GRIK1: variants seen among roughly 807,000 people sequenced by gnomAD.
GRIK1 encodes the protein glutamate receptor ionotropic, kainate 1.
In GRIK1, 69 loss-of-function variants were observed where a neutral mutation model predicts 105.7. The observed-to-expected ratio is 0.65, with a 90% CI of 0.54 to 0.80. GRIK1 has a LOEUF of 0.80. GRIK1 is among the 30% of genes least tolerant of loss of function. The pLI, the probability that GRIK1 is intolerant of heterozygous loss-of-function variation, is 0.00. For synonymous variants in GRIK1, 438 were observed against 431.3 expected (o/e 1.02, Z -0.19); for missense variants, 1,109 against 1,167.3 (o/e 0.95, Z 0.73).
rs573084579 is a variant in GRIK1, at chr21:29,681,502, G to T, written c.544+8226C>A. On this transcript the variant is annotated intron_variant, in intron 3 of 17. Coordinates refer to ENST00000327783, the MANE Select transcript of GRIK1 (RefSeq NM_001330994.2). ...TTAGCTGTTCTGTCTGACTAGAACCGCCTTCTCTCTCACAGAACGTGGTTC... is the reference window on the plus strand; with the variant it reads ...TTAGCTGTTCTGTCTGACTAGAACCTCCTTCTCTCTCACAGAACGTGGTTC... 4.5e-4 allele frequency among the ~76,000 whole-genome samples: 68 copies of T among 152,254 alleles called. 1 individual carries two copies. The highest frequency in any genetic ancestry group is 1.6e-3 in the African/African-American group (66 of 41,554).
chr21:29,657,741 G>A (rs887541854), intron 4 of GRIK1: 2 of 152,204 alleles, frequency 1.3e-5, no homozygotes, highest in Non-Finnish European at 2.9e-5. Flanking sequence ...TTTTAAAGCA[G>A]TTGTTCTTGT....
At chr21:29,799,263 G>A (rs975889148) in intron 1 of GRIK1, among the ~76,000 whole-genome samples, 8 of 152,174 alleles carry the variant, frequency 5.3e-5, no homozygotes, top group African/African-American at 1.2e-4. Context: ...AATTGCAACC[G>A]TTTTAAGACA....
At chr21:29,894,866 C>T (rs987459758) in intron 1 of GRIK1, among the ~76,000 whole-genome samples, 5 of 152,106 alleles carry the variant, frequency 3.3e-5, no homozygotes, top group Admixed American at 2.6e-4. Flanking sequence ...TTGGCTATTT[C>T]CCCTTCTCCT....
At chr21:29,854,274 T>G (rs191978037) in intron 1 of GRIK1, among the ~76,000 whole-genome samples, 2 of 152,084 alleles carry the variant, frequency 1.3e-5, no homozygotes, top group East Asian at 1.9e-4. Flanking sequence ...AGAGCAAGAA[T>G]GTACTCTTTG....
intron 3 of GRIK1, among the ~76,000 whole-genome samples, chr21:29,678,125 G>A (rs1345271742): frequency 1.3e-5 from 2 of 152,144 alleles, no homozygotes; most frequent in African/African-American, 4.8e-5. Context: ...AATTTTAAAT[G>A]TTAATTTCTT....
intron 7 of GRIK1, among the ~76,000 whole-genome samples, chr21:29,601,748 T>C (rs2061522967): frequency 6.6e-6 from 1 of 152,252 alleles, no homozygotes; most frequent in Non-Finnish European, 1.5e-5. Flanking sequence ...TGTGATTTTG[T>C]ACTTATTACC....
Position 29,719,292 on chromosome 21 carries a change from T to A in GRIK1, c.119-25229A>T, listed in dbSNP as rs575082124. On this transcript the variant is annotated intron_variant, in intron 1 of 17. Transcript: ENST00000327783. ...TTTTTTCCTTAGTGATAGTATACTT[T>A]ACAAATTTTTCTATCTTCAGCTATC... 2.6e-5 allele frequency among the ~76,000 whole-genome samples: 4 copies of A among 151,988 alleles called. No homozygotes were observed. The East Asian group carries it at 7.7e-4, about 29-fold the overall frequency.
chr21:29,871,760 ATTT>A (rs35513177), intron 1 of GRIK1, among the ~76,000 whole-genome samples: 3 of 121,154 alleles, frequency 2.5e-5, no homozygotes, highest in African/African-American at 3.1e-5. Flanking sequence ...AATCTTTTTA[ATTT>A]TTTTTTTTTT....
intron 7 of GRIK1, among the ~76,000 whole-genome samples, chr21:29,628,094 T>G (rs577171457): frequency 6.6e-6 from 1 of 152,228 alleles, no homozygotes; most frequent in African/African-American, 2.4e-5. Context: ...CACAGAGTAC[T>G]GTACAATGAC....
chr21:29,913,695 T>TA (rs1320305075), intron 1 of GRIK1, among the ~76,000 whole-genome samples: 1 of 144,398 alleles, frequency 6.9e-6, no homozygotes, highest in African/African-American at 2.7e-5. Flanking sequence ...ATATATATAT[T>TA]TGTAGATTTG....
At chr21:29,569,625 A>G (rs2090693099) in intron 14 of GRIK1, among the ~76,000 whole-genome samples, 1 of 152,220 alleles carries the variant, frequency 6.6e-6, no homozygotes, top group Admixed American at 6.5e-5. Context: ...TCCTTGGATG[A>G]TGGTTCACAA....
chr21:29,935,933 G>A (rs996228683), intron 1 of GRIK1, among the ~76,000 whole-genome samples: 1 of 152,158 alleles, frequency 6.6e-6, no homozygotes, highest in Admixed American at 6.5e-5. Flanking sequence ...AATAAAAAAA[G>A]TAGTAAAAAC....
At chr21:29,662,890 G>A (rs1042133861) in intron 4 of GRIK1, among the ~76,000 whole-genome samples, 1 of 151,910 alleles carries the variant, frequency 6.6e-6, no homozygotes, top group Non-Finnish European at 1.5e-5. Flanking sequence ...TCTGGGATAT[G>A]TTTCAGGCAT....
At chr21:29,886,383 T>A (rs930975300) in intron 1 of GRIK1, among the ~76,000 whole-genome samples, 1 of 152,170 alleles carries the variant, frequency 6.6e-6, no homozygotes, top group African/African-American at 2.4e-5. Context: ...GGAACAGTTT[T>A]GAAGATATAG....
chr21:29,615,572 G>GT (rs2061831456), intron 7 of GRIK1, among the ~76,000 whole-genome samples: 1 of 152,166 alleles, frequency 6.6e-6, no homozygotes, highest in East Asian at 1.9e-4. Context: ...GCCTCCCAAA[G>GT]TGCTGGGATT....
chr21:29,739,030 T>A (rs2064863042), intron 1 of GRIK1, among the ~76,000 whole-genome samples: 1 of 152,182 alleles, frequency 6.6e-6, no homozygotes, highest in South Asian at 2.1e-4. Flanking sequence ...GCCAGAATGG[T>A]TTTGAGGCAA....
intron 1 of GRIK1, among the ~76,000 whole-genome samples, chr21:29,802,758 T>C (rs1321217213): frequency 6.6e-6 from 1 of 152,204 alleles, no homozygotes; most frequent in African/African-American, 2.4e-5. Context: ...TTGAACCCTC[T>C]GTCTGCCAAG....
chr21:29,804,179 T>C (rs575539335), intron 1 of GRIK1, among the ~76,000 whole-genome samples: 18 of 152,082 alleles, frequency 1.2e-4, no homozygotes, highest in Admixed American at 3.9e-4. Flanking sequence ...ATATATCCAT[T>C]TTTCCCCTAA....
chr21:29,777,945 C>T (rs774521670), intron 1 of GRIK1, among the ~76,000 whole-genome samples: 2 of 152,164 alleles, frequency 1.3e-5, no homozygotes, highest in African/African-American at 2.4e-5. Flanking sequence ...TTCACCATGA[C>T]GCAACACAAA....
Sources: gnomAD v4.1 joint callset for allele counts (sites outside exome capture counted in the v4.1 genomes callset) on GRCh38, gnomAD v4.1.1 for gene constraint, MANE v1.5 for transcripts, NCBI Gene and HGNC (gene_info 2026-07-23, HGNC 2026-07-21) for gene names.